MYO1D: variants seen among roughly 807,000 people sequenced by gnomAD.
MYO1D encodes unconventional myosin-Id.
MYO1D carries 83 observed loss-of-function variants against 122.0 expected under a neutral mutation model. The ratio of observed to expected loss-of-function variants is 0.68; its 90% CI spans 0.57 to 0.82. MYO1D has a LOEUF of 0.82. Ranked by LOEUF, MYO1D falls within the 40% of genes least tolerant of loss-of-function variation. The probability of loss-of-function intolerance (pLI) is 0.00; values close to 1 mark genes in which losing one functional copy is unlikely to be tolerated. For missense variants in MYO1D, 1,157 were observed against 1,269.5 expected, an observed-to-expected ratio of 0.91 and a Z score of 1.35; for synonymous variants, 464 against 446.9, an observed-to-expected ratio of 1.04 and a Z score of -0.48.
intron 21 of MYO1D, among the ~76,000 whole-genome samples, chr17:32,575,615 G>A (rs1363191889): frequency 6.6e-6 from 1 of 152,110 alleles, no homozygotes; most frequent in African/African-American, 2.4e-5. Flanking sequence ...TTTATGCAGC[G>A]AATCCCATGG....
At chr17:32,852,704 A>C (rs2090999505) in intron 1 of MYO1D, among the ~76,000 whole-genome samples, 1 of 152,138 alleles carries the variant, frequency 6.6e-6, no homozygotes, top group Admixed American at 6.5e-5. Flanking sequence ...ATGGGTGAAT[A>C]TTATTATCTT....
At chr17:32,617,602 G>A (rs1040700647) in intron 20 of MYO1D, among the ~76,000 whole-genome samples, 1 of 151,988 alleles carries the variant, frequency 6.6e-6, no homozygotes, top group Non-Finnish European at 1.5e-5. Context: ...CACCATGCCC[G>A]GGTAATTTTT....
At chr17:32,736,002 T>C (rs2089696810) in intron 14 of MYO1D, among the ~76,000 whole-genome samples, 1 of 152,132 alleles carries the variant, frequency 6.6e-6, no homozygotes, top group Non-Finnish European at 1.5e-5. Flanking sequence ...ATTTACATTA[T>C]GATGAATACC....
At chr17:32,631,502 C>G (rs1288007532) in intron 20 of MYO1D, among the ~76,000 whole-genome samples, 1 of 151,968 alleles carries the variant, frequency 6.6e-6, no homozygotes, top group Non-Finnish European at 1.5e-5. Context: ...CAAAGTTTAG[C>G]CAAGAGTAGT....
At chr17:32,504,512 GGT>G (rs1282225881) in intron 21 of MYO1D, 19 of 149,726 alleles carry the variant, frequency 1.3e-4, no homozygotes, top group African/African-American at 4.6e-4. Context: ...GGGTGGCTGG[GGT>G]GGGTGGGCTT....
chr17:32,863,238 T>C (rs4795720), intron 1 of MYO1D, among the ~76,000 whole-genome samples: 3 of 152,206 alleles, frequency 2.0e-5, no homozygotes, highest in Admixed American at 1.3e-4. Context: ...CCAAGGGCAG[T>C]AATATGTTTT....
chr17:32,628,233 T>C (rs2087953797), intron 20 of MYO1D, among the ~76,000 whole-genome samples: 1 of 152,212 alleles, frequency 6.6e-6, no homozygotes, highest in African/African-American at 2.4e-5. Context: ...CATACAAATA[T>C]ACCTGGTGAC....
chr17:32,646,475 A>G (rs1297607497), intron 19 of MYO1D, among the ~76,000 whole-genome samples: 1 of 152,138 alleles, frequency 6.6e-6, no homozygotes, highest in East Asian at 1.9e-4. Context: ...AAAAGAAAGG[A>G]AACAATAATA....
At chr17:32,561,567 G>A (rs1310768508) in intron 21 of MYO1D, among the ~76,000 whole-genome samples, 6 of 151,582 alleles carry the variant, frequency 4.0e-5, no homozygotes, top group Non-Finnish European at 7.4e-5. Flanking sequence ...GTGCGTGCCT[G>A]TAGTCCCAGC....
chr17:32,511,509 C>T (rs1432544075), intron 21 of MYO1D, among the ~76,000 whole-genome samples: 2 of 151,294 alleles, frequency 1.3e-5, no homozygotes, highest in African/African-American at 2.5e-5. Flanking sequence ...ATCCAGCTCC[C>T]CCCGCGAACT....
At chr17:32,784,304 T>C (rs2090270363) in intron 1 of MYO1D, among the ~76,000 whole-genome samples, 1 of 152,170 alleles carries the variant, frequency 6.6e-6, no homozygotes, top group African/African-American at 2.4e-5. Context: ...TCATTCTGCC[T>C]CACACCTTTT....
intron 16 of MYO1D, among the ~76,000 whole-genome samples, chr17:32,708,089 C>A (rs1464614525): frequency 6.6e-6 from 1 of 152,128 alleles, no homozygotes; most frequent in Non-Finnish European, 1.5e-5. Flanking sequence ...GTGAATCCTT[C>A]TAGTGAATCA....
chr17:32,703,066 T>C lies in MYO1D; in HGVS notation c.2121+8922A>G, dbSNP rs188445280. 2.4e-3 allele frequency among the ~76,000 whole-genome samples: 359 copies of C among 152,336 alleles called. 1 individual carries two copies. Among genetic ancestry groups the C allele is most frequent in the Non-Finnish European group, 4.2e-3 (289 of 68,034 alleles). On this transcript the variant is annotated intron_variant, in intron 16 of 21. Coordinates refer to ENST00000318217, the MANE Select transcript of MYO1D (RefSeq NM_015194.3). ...TTACCATTTTGAGAAATAATTTATATGTTTAGTAGCCTTCAGTGAGTGACA... is the reference window on the plus strand; with the variant it reads ...TTACCATTTTGAGAAATAATTTATACGTTTAGTAGCCTTCAGTGAGTGACA...
At chr17:32,549,028 T>TTA (rs1469580931) in intron 21 of MYO1D, among the ~76,000 whole-genome samples, 1 of 152,170 alleles carries the variant, frequency 6.6e-6, no homozygotes, top group African/African-American at 2.4e-5. Flanking sequence ...TTAATTATTT[T>TTA]TATATATATC....
At chr17:32,566,625 A>G (rs1254761903) in intron 21 of MYO1D, among the ~76,000 whole-genome samples, 1 of 151,870 alleles carries the variant, frequency 6.6e-6, no homozygotes, top group Non-Finnish European at 1.5e-5. Flanking sequence ...ACTGAGTCCA[A>G]CCACAGTTGG....
chr17:32,734,296 T>A (rs2089671369), intron 14 of MYO1D, among the ~76,000 whole-genome samples: 1 of 152,152 alleles, frequency 6.6e-6, no homozygotes, highest in Non-Finnish European at 1.5e-5. Context: ...CATATAGTTA[T>A]CCATAATATT....
rs558509247 is a variant in MYO1D at position 32,828,373 on chromosome 17, G to A, written c.96-47589C>T. On this transcript the variant is annotated intron_variant, in intron 1 of 21. Coordinates refer to ENST00000318217, the MANE Select transcript of MYO1D (RefSeq NM_015194.3). ...CTACTAAAAATACAAAAAATTAGCC[G>A]GGCATAGTGGCAGGTGCCTGTAATC... Among the ~76,000 whole-genome samples, 20 of 152,092 alleles carry A rather than the reference G, an allele frequency of 1.3e-4. No individual in the cohort carries two copies. In the South Asian group the frequency reaches 1.9e-3, roughly 14 times the overall value.
chr17:32,582,712 C>G lies in MYO1D; in HGVS notation c.2864+22375G>C, dbSNP rs550992572. Among the ~76,000 whole-genome samples, 19 of 152,252 alleles carry G rather than the reference C, an allele frequency of 1.2e-4. No individual in the cohort carries two copies. In the South Asian group the frequency reaches 2.9e-3, roughly 23 times the overall value. Reference sequence around the variant, plus strand: ...CATTTTCTATATGCTTACTGATTTTCTATTGACTTGTTCTATCAATTATGG... The same window carrying G: ...CATTTTCTATATGCTTACTGATTTTGTATTGACTTGTTCTATCAATTATGG... On this transcript the variant is annotated intron_variant, in intron 21 of 21. Coordinates refer to ENST00000318217, the MANE Select transcript of MYO1D (RefSeq NM_015194.3).
chr17:32,746,537 A>G (rs2089839981), intron 12 of MYO1D, among the ~76,000 whole-genome samples: 1 of 152,160 alleles, frequency 6.6e-6, no homozygotes, highest in Admixed American at 6.5e-5. Flanking sequence ...GACCACTGTT[A>G]TTGTATACAT....
Sources: gnomAD v4.1 joint callset for allele counts (sites outside exome capture counted in the v4.1 genomes callset) on GRCh38, gnomAD v4.1.1 for gene constraint, MANE v1.5 for transcripts, NCBI Gene and HGNC (gene_info 2026-07-23, HGNC 2026-07-21) for gene names.